CDH13: variants seen among roughly 807,000 people sequenced by gnomAD.
CDH13 encodes cadherin-13.
Under a neutral mutation model 63.8 loss-of-function variants are expected in CDH13, and 24 were observed. The ratio of observed to expected loss-of-function variants is 0.38; its 90% confidence interval spans 0.27 to 0.53. The LOEUF is 0.53. Ranked by LOEUF, CDH13 falls within the 20% of genes least tolerant of loss-of-function variation. CDH13 has a pLI of 0.85. For synonymous variants in CDH13, 503 were observed against 355.3 expected, an observed-to-expected ratio of 1.42 and a Z score of -4.67; for missense variants, 1,049 against 903.1, an observed-to-expected ratio of 1.16 and a Z score of -2.07.
At chr16:83,128,435 C>T (rs2035905370) in intron 4 of CDH13, among the ~76,000 whole-genome samples, 1 of 152,176 alleles carries the variant, frequency 6.6e-6, no homozygotes, top group Non-Finnish European at 1.5e-5. Context: ...TTGTGATGCA[C>T]ACTCAAATTT....
At chr16:82,926,294 A>G (rs1220432492) in intron 2 of CDH13, among the ~76,000 whole-genome samples, 1 of 152,152 alleles carries the variant, frequency 6.6e-6, no homozygotes, top group Non-Finnish European at 1.5e-5. Context: ...CAAAAAAAAA[A>G]AAGAAAAAAA....
chr16:83,503,643 C>T (rs117168500), intron 7 of CDH13, among the ~76,000 whole-genome samples: 426 of 152,278 alleles, frequency 2.8e-3, no homozygotes, highest in Non-Finnish European at 4.8e-3. Context: ...AGATGCTTGA[C>T]CAGTGACGAT....
chr16:82,975,142 C>G (rs1046535406), intron 2 of CDH13, among the ~76,000 whole-genome samples: 1 of 152,194 alleles, frequency 6.6e-6, no homozygotes, highest in Non-Finnish European at 1.5e-5. Flanking sequence ...AGAATTCCTT[C>G]CAATAAAGTA....
At position 83,564,398 on chromosome 16, in the gene CDH13, CT is replaced by C. The variant is rs1213115221; in HGVS notation, c.961-38039del. On this transcript the variant is annotated intron_variant, in intron 7 of 13. Transcript: ENST00000567109. ...GAAAAAGGTGACATATGGGATGACT[CT>C]TTTTTTTTTTTTTTTTGTTTTTGTT... Among the ~76,000 whole-genome samples the C allele has an allele frequency of 8.1e-4, 22 of 27,274 alleles. 1 individual carries two copies. Among genetic ancestry groups the C allele is most frequent in the African/African-American group, 3.5e-3 (15 of 4,330 alleles). 17.9% of individuals were successfully genotyped at this position (27,274 alleles called of 152,430 possible).
chr16:83,111,091 G>C (rs552215269), intron 3 of CDH13, among the ~76,000 whole-genome samples: 19 of 151,050 alleles, frequency 1.3e-4, no homozygotes, highest in African/African-American at 4.1e-4. Context: ...AGAATGGCGT[G>C]AACCCGGGAG....
intron 6 of CDH13, among the ~76,000 whole-genome samples, chr16:83,356,231 TG>T (rs2151380522): frequency 1.2e-5 from 1 of 86,242 alleles, no homozygotes; most frequent in African/African-American, 7.8e-5. Flanking sequence ...TGTGTGTGTG[TG>T]TGTGTGTGTG....
At chr16:83,017,396 C>G (rs554306604) in intron 2 of CDH13, among the ~76,000 whole-genome samples, 7 of 152,136 alleles carry the variant, frequency 4.6e-5, no homozygotes, top group Non-Finnish European at 8.8e-5. Flanking sequence ...AGAATAACTT[C>G]GAACATTTAC....
At chr16:83,372,738 G>A (rs1193385800) in intron 6 of CDH13, among the ~76,000 whole-genome samples, 2 of 134,592 alleles carry the variant, frequency 1.5e-5, no homozygotes, top group East Asian at 2.1e-4. Flanking sequence ...GTGACAGAGC[G>A]AGACTCGGTC....
chr16:82,680,065 C>A (rs1336007400), intron 1 of CDH13, among the ~76,000 whole-genome samples: 2 of 152,182 alleles, frequency 1.3e-5, no homozygotes, highest in Non-Finnish European at 2.9e-5. Context: ...CCTATCCACT[C>A]TCATCCCTCC....
intron 1 of CDH13, among the ~76,000 whole-genome samples, chr16:82,692,068 T>A (rs547883675): frequency 6.6e-6 from 1 of 152,338 alleles, no homozygotes; most frequent in Non-Finnish European, 1.5e-5. Flanking sequence ...GGCTGGACAA[T>A]GAATTATCTG....
At chr16:82,846,289 T>C (rs890005711) in intron 1 of CDH13, among the ~76,000 whole-genome samples, 1 of 152,132 alleles carries the variant, frequency 6.6e-6, no homozygotes, top group Non-Finnish European at 1.5e-5. Flanking sequence ...TCCTTCTTCT[T>C]TATTTCCACA....
chr16:83,264,578 GTA>G (rs370463593), intron 5 of CDH13, among the ~76,000 whole-genome samples: 47 of 150,382 alleles, frequency 3.1e-4, no homozygotes, highest in Non-Finnish European at 7.4e-5. Flanking sequence ...ATACATATGT[GTA>G]TATATATATA....
chr16:83,079,950 G>A (rs183471175), intron 3 of CDH13, among the ~76,000 whole-genome samples: 6 of 152,300 alleles, frequency 3.9e-5, no homozygotes, highest in Admixed American at 2.0e-4. Flanking sequence ...AAGTTGAGTC[G>A]CACATTTCAG....
intron 3 of CDH13, among the ~76,000 whole-genome samples, chr16:83,071,039 T>C (rs1304983821): frequency 1.3e-5 from 2 of 152,092 alleles, no homozygotes; most frequent in Non-Finnish European, 1.5e-5. Flanking sequence ...ACATTCCAGA[T>C]TCTGCATTCA....
intron 1 of CDH13, among the ~76,000 whole-genome samples, chr16:82,788,993 A>T (rs1252297360): frequency 6.6e-6 from 1 of 152,162 alleles, no homozygotes; most frequent in Non-Finnish European, 1.5e-5. Context: ...AGTCAATTGT[A>T]TGTTTCCTTT....
intron 6 of CDH13, among the ~76,000 whole-genome samples, chr16:83,423,703 A>G (rs953983090): frequency 2.6e-5 from 4 of 152,214 alleles, no homozygotes; most frequent in Non-Finnish European, 5.9e-5. Flanking sequence ...AGTATAAATT[A>G]TTGTATATTA....
In CDH13 at chr16:82,755,260, A is replaced by T. The variant is rs368767952; in HGVS notation, c.46-103102A>T. On this transcript the variant is annotated intron_variant, in intron 1 of 13. Transcript: ENST00000567109. The stretch of plus-strand genomic sequence containing the variant: ...ACCTTAAGGCCTAAGTGAGATATGC[A>T]TTCTGTCCCAAATGATGGCTCATGG... Among the ~76,000 whole-genome samples, 3 of 152,300 alleles carry T rather than the reference A, an allele frequency of 2.0e-5. No individual in the cohort carries two copies. In the South Asian group the frequency reaches 6.2e-4, roughly 32 times the overall value.
chr16:83,047,508 C>G lies in CDH13; in HGVS notation c.366+15290C>G, dbSNP rs1312629271. On this transcript the variant is annotated intron_variant, in intron 3 of 13. Coordinates refer to ENST00000567109, the MANE Select transcript of CDH13 (RefSeq NM_001257.5). The surrounding 1 kb of genome is among the most constrained non-coding windows in gnomAD (Gnocchi z 4.9). ...CTCAGGCCTTTGCGTAATATTTTCT[C>G]TGCATGGAAGGGGAGGATAAGAAAG... Among the ~76,000 whole-genome samples, 7 of 152,068 alleles carry G rather than the reference C, an allele frequency of 4.6e-5. No homozygotes were observed. The highest frequency in any genetic ancestry group is 1.0e-4 in the Non-Finnish European group (7 of 68,024).
At chr16:83,686,462 A>G (rs1418948900) in intron 10 of CDH13, among the ~76,000 whole-genome samples, 1 of 152,250 alleles carries the variant, frequency 6.6e-6, no homozygotes, top group African/African-American at 2.4e-5. Flanking sequence ...TCCAAAATTC[A>G]AAAAGAAAGC....
Sources: gnomAD v4.1 joint callset for allele counts (sites outside exome capture counted in the v4.1 genomes callset) on GRCh38, gnomAD v4.1.1 for gene constraint, Gnocchi (gnomAD v3.1) non-coding constraint, MANE v1.5 for transcripts, NCBI Gene and HGNC (gene_info 2026-07-23, HGNC 2026-07-21) for gene names.